TTBK2: variants seen among roughly 807,000 people sequenced by gnomAD.
TTBK2 encodes the protein tau tubulin kinase 2.
Under a neutral mutation model 110.8 loss-of-function variants are expected in TTBK2, and 28 were observed. The observed-to-expected ratio is 0.25, with a 90% CI of 0.19 to 0.35. The LOEUF is 0.35. TTBK2 is among the 10% of genes least tolerant of loss of function. The probability of loss-of-function intolerance (pLI) is 1.00; values close to 1 mark genes in which losing one functional copy is unlikely to be tolerated. For synonymous variants in TTBK2, 532 were observed against 527.3 expected (o/e 1.01, Z -0.12); for missense variants, 1,369 against 1,500.3 (o/e 0.91, Z 1.45).
intron 9 of TTBK2, chr15:42,802,189 G>T: frequency 8.8e-7 from 1 of 1,131,822 alleles, no homozygotes; most frequent in Non-Finnish European, 1.3e-6. Flanking sequence ...CAGGTTAAGA[G>T]GGCTCAGCAG....
intron 1 of TTBK2, among the ~76,000 whole-genome samples, chr15:42,896,652 G>A (rs1402909625): frequency 6.6e-6 from 1 of 151,984 alleles, no homozygotes; most frequent in African/African-American, 2.4e-5. Flanking sequence ...CAATTAGCCA[G>A]GCATGGTGGT....
chr15:42,816,077 AATAAATAAATATATATATAT>A (rs1282037145), intron 7 of TTBK2, among the ~76,000 whole-genome samples: 5 of 63,098 alleles, frequency 7.9e-5, no homozygotes, highest in African/African-American at 5.2e-4. Flanking sequence ...TATAAAAATA[AATAAATAAATATATATATAT>A]ATATATATAT....
chr15:42,862,434 T>C lies in TTBK2; in HGVS notation c.217+10177A>G, dbSNP rs1454355033. 7.2e-5 allele frequency among the ~76,000 whole-genome samples: 11 copies of C among 151,834 alleles called. No homozygotes were observed. The East Asian group carries it at 2.1e-3, about 29-fold the overall frequency. On this transcript the variant is annotated intron_variant, in intron 3 of 14. Transcript: ENST00000267890. ...TGGGATGCACAGTTGGTTCAACACA[T>C]GCAAATAAAAAAATGTGATTCACCA...
rs141479285 is a variant in TTBK2, at chr15:42,903,340, G to T, written c.-68+17098C>A. 4.0e-3 allele frequency among the ~76,000 whole-genome samples: 602 copies of T among 152,278 alleles called. 8 individuals are homozygous for T. Among genetic ancestry groups the T allele is most frequent in the African/African-American group, 0.014 (572 of 41,570 alleles). ...TTTAGAAAAATGAAAAAGTCCTACAGATAGATGGTAATGATGGTTTCAGAA... is the reference window on the plus strand; with the variant it reads ...TTTAGAAAAATGAAAAAGTCCTACATATAGATGGTAATGATGGTTTCAGAA... On this transcript the variant is annotated intron_variant, in intron 1 of 14. Transcript: ENST00000267890.
At chr15:42,775,017 T>C in intron 13 of TTBK2, 118 bp downstream of exon 13, 1 of 1,070,582 alleles carries the variant, frequency 9.3e-7, no homozygotes, top group Non-Finnish European at 1.4e-6. Flanking sequence ...AATCACTCCC[T>C]GGGCCATCTG....
chr15:42,885,270 T>C (rs997791670), intron 1 of TTBK2, among the ~76,000 whole-genome samples: 5 of 152,208 alleles, frequency 3.3e-5, no homozygotes, highest in African/African-American at 1.2e-4. Flanking sequence ...GAGATCTACC[T>C]ATCACCTCAG....
At chr15:42,896,767 C>T (rs893848665) in intron 1 of TTBK2, among the ~76,000 whole-genome samples, 1 of 151,946 alleles carries the variant, frequency 6.6e-6, no homozygotes, top group Non-Finnish European at 1.5e-5. Flanking sequence ...TGCACTCCAG[C>T]ATGGGCAATA....
At chr15:42,816,929 CATATAT>C in intron 7 of TTBK2, 97 bp downstream of exon 7, 1 of 435,506 alleles carries the variant, frequency 2.3e-6, no homozygotes, top group Non-Finnish European at 3.2e-6. Context: ...AACAAATATA[CATATAT>C]ATATATATAT....
intron 9 of TTBK2, among the ~76,000 whole-genome samples, chr15:42,802,928 G>C (rs1891288804): frequency 6.6e-6 from 1 of 152,160 alleles, no homozygotes. Flanking sequence ...GGTGAGGCTG[G>C]CGTAGCCTCC....
intron 9 of TTBK2, among the ~76,000 whole-genome samples, chr15:42,807,148 C>T (rs1891502767): frequency 6.6e-6 from 1 of 152,072 alleles, no homozygotes; most frequent in African/African-American, 2.4e-5. Context: ...TTTAAATAGC[C>T]CCATTCCTAA....
chr15:42,774,056 A>G (rs1464477640), intron 13 of TTBK2, among the ~76,000 whole-genome samples: 1 of 152,220 alleles, frequency 6.6e-6, no homozygotes, highest in Non-Finnish European at 1.5e-5. Context: ...TCTGGTGAAG[A>G]AGCAGGCAGG....
At position 42,816,202 on chromosome 15, in the gene TTBK2, C is replaced by T. The variant is rs550185117; in HGVS notation, c.603+830G>A. 6.2e-5 allele frequency among the ~76,000 whole-genome samples: 9 copies of T among 144,250 alleles called. No individual in the cohort carries two copies. In the South Asian group the frequency reaches 1.1e-3, roughly 18 times the overall value. The allele number at this position is 144,250 out of a possible 152,430, so 94.6% of individuals were successfully genotyped here. A position where few individuals can be genotyped will look rare whatever the true frequency, so the allele number is the denominator to read the frequency against. ...TGCGATCTCAGCTTACCACAACCTT[C>T]GCCTCCCAGGTTCGAGTGATTCTTT... On this transcript the variant is annotated intron_variant, in intron 7 of 14. Coordinates refer to ENST00000267890, the MANE Select transcript of TTBK2 (RefSeq NM_173500.4).
chr15:42,862,429 A>G (rs1013783784), intron 3 of TTBK2, among the ~76,000 whole-genome samples: 9 of 152,236 alleles, frequency 5.9e-5, no homozygotes, highest in Admixed American at 5.2e-4. Context: ...AGTTGGTTCA[A>G]CACATGCAAA....
intron 1 of TTBK2, among the ~76,000 whole-genome samples, chr15:42,887,805 T>C (rs948879953): frequency 1.3e-5 from 2 of 152,106 alleles, no homozygotes; most frequent in African/African-American, 4.8e-5. Context: ...CTGACACCCA[T>C]CAGGCTCAGC....
intron 11 of TTBK2, among the ~76,000 whole-genome samples, chr15:42,780,189 CTTTTTT>C (rs892670301): frequency 9.9e-6 from 1 of 100,794 alleles, no homozygotes; most frequent in Non-Finnish European, 1.9e-5. Flanking sequence ...GCCCGGCTAA[CTTTTTT>C]TTTTTTTTTT....
chr15:42,909,887 A>C (rs1258280245), intron 1 of TTBK2, among the ~76,000 whole-genome samples: 2 of 152,176 alleles, frequency 1.3e-5, no homozygotes, highest in Admixed American at 1.3e-4. Flanking sequence ...GGTGAAAGCC[A>C]GGCAGCTTAC....
At chr15:42,781,319 A>C (rs1174536508) in intron 11 of TTBK2, among the ~76,000 whole-genome samples, 2 of 152,206 alleles carry the variant, frequency 1.3e-5, no homozygotes, top group African/African-American at 2.4e-5. Flanking sequence ...GAAAAAAATC[A>C]TTACGGAAAA....
intron 3 of TTBK2, among the ~76,000 whole-genome samples, chr15:42,860,405 T>C (rs1425775923): frequency 1.3e-5 from 2 of 151,384 alleles, no homozygotes; most frequent in Non-Finnish European, 2.9e-5. Context: ...TGAATGAAGC[T>C]AGAGGGAAAA....
At chr15:42,869,438 T>A (rs779194579) in intron 3 of TTBK2, among the ~76,000 whole-genome samples, 2 of 147,892 alleles carry the variant, frequency 1.4e-5, no homozygotes, top group South Asian at 2.1e-4. Flanking sequence ...TGTGTTGAGA[T>A]ACAGCATAAG....
Sources: gnomAD v4.1 joint callset for allele counts (sites outside exome capture counted in the v4.1 genomes callset) on GRCh38, gnomAD v4.1.1 for gene constraint, MANE v1.5 for transcripts, NCBI Gene and HGNC (gene_info 2026-07-23, HGNC 2026-07-21) for gene names.